The following THADA variants were observed in gnomAD, a reference collection of about 807,000 sequenced individuals.
THADA encodes tRNA (32-2'-O)-methyltransferase regulator THADA.
Under a neutral mutation model 219.8 loss-of-function variants are expected in THADA, and 213 were observed. The ratio of observed to expected loss-of-function variants is 0.97; its 90% CI spans 0.87 to 1.09. The LOEUF (loss-of-function observed/expected upper bound fraction) is 1.09. THADA is among the 50% of genes least tolerant of loss of function. The probability of loss-of-function intolerance (pLI) is 0.00; values close to 1 mark genes in which losing one functional copy is unlikely to be tolerated. For synonymous variants in THADA, 1,018 were observed against 828.9 expected (o/e 1.23, Z -3.92); for missense variants, 2,956 against 2,311.3 (o/e 1.28, Z -5.72).
At chr2:43,348,243 C>T (rs1456950683) in intron 29 of THADA, among the ~76,000 whole-genome samples, 1 of 152,158 alleles carries the variant, frequency 6.6e-6, no homozygotes, top group Non-Finnish European at 1.5e-5. Flanking sequence ...AGTCACCTGG[C>T]CGGAGCTGAG....
In THADA at chr2:43,292,959, A is replaced by C; in HGVS notation, c.4693T>G (p.Leu1565Val). ...EVRSLTLEAL[L>V]EKFLAAASGL... ...GAGGCTGCTGCTAAGAACTTTTCCA[A>C]GAGGGCTTCCAGTGTTAGTGAGCGC... The change falls in exon 32 of 38, where the codon TTG becomes GTG. Residue 1565 changes from leucine (L) to valine (V), a missense_variant. Physicochemically the swap from Leu to Val is conservative, Grantham distance 32. Coordinates refer to ENST00000405975, the MANE Select transcript of THADA (RefSeq NM_022065.5). The C allele has an allele frequency of 1.2e-6, 2 of 1,613,994 alleles. No individual in the cohort carries two copies. Among genetic ancestry groups the C allele is most frequent in the Non-Finnish European group, 1.7e-6 (2 of 1,179,900 alleles).
At chr2:43,443,293 G>C (rs1239697847) in intron 26 of THADA, among the ~76,000 whole-genome samples, 2 of 152,200 alleles carry the variant, frequency 1.3e-5, no homozygotes, top group African/African-American at 4.8e-5. Context: ...GACCAAGATA[G>C]TAACACATTA....
chr2:43,330,216 A>G (rs1488926080), intron 30 of THADA, among the ~76,000 whole-genome samples: 1 of 152,226 alleles, frequency 6.6e-6, no homozygotes, highest in Admixed American at 6.5e-5. Flanking sequence ...CCAGGAACGC[A>G]GAGCCTGCGG....
At chr2:43,284,206 C>T (rs1673711236) in intron 35 of THADA, among the ~76,000 whole-genome samples, 1 of 152,112 alleles carries the variant, frequency 6.6e-6, no homozygotes, top group Non-Finnish European at 1.5e-5. Context: ...CGAATGTTAA[C>T]AGCCAAGATG....
At chr2:43,471,694 A>T (rs1486902984) in intron 26 of THADA, among the ~76,000 whole-genome samples, 1 of 152,112 alleles carries the variant, frequency 6.6e-6, no homozygotes, top group African/African-American at 2.4e-5. Flanking sequence ...ACAATCAAAC[A>T]CTTACTTGAG....
At chr2:43,389,654 T>G (rs1673111296) in intron 29 of THADA, among the ~76,000 whole-genome samples, 1 of 152,182 alleles carries the variant, frequency 6.6e-6, no homozygotes, top group Non-Finnish European at 1.5e-5. Flanking sequence ...CCTCTCTCCT[T>G]GACACAACAG....
At chr2:43,484,252 G>T (rs763576239) in intron 26 of THADA, 124 of 165,326 alleles carry the variant, frequency 7.5e-4, no homozygotes, top group Non-Finnish European at 1.4e-3. Context: ...GGTTTCATTA[G>T]AATTATCACT....
At chr2:43,301,418 G>T (rs1474932609) in intron 31 of THADA, among the ~76,000 whole-genome samples, 2 of 152,236 alleles carry the variant, frequency 1.3e-5, no homozygotes, top group African/African-American at 2.4e-5. Flanking sequence ...CTGGCTCGTT[G>T]TGTGCAGGTT....
chr2:43,438,856 CAAT>C (rs931224474), intron 26 of THADA, among the ~76,000 whole-genome samples: 14 of 151,974 alleles, frequency 9.2e-5, no homozygotes, highest in African/African-American at 2.2e-4. Flanking sequence ...AGATTAACAA[CAAT>C]AATAATAAAC....
At chr2:43,491,830 C>T (rs1417632204) in intron 25 of THADA, among the ~76,000 whole-genome samples, 3 of 152,162 alleles carry the variant, frequency 2.0e-5, no homozygotes, top group Non-Finnish European at 2.9e-5. Flanking sequence ...AAAATCTATC[C>T]TTCTCACGAG....
chr2:43,360,595 A>G (rs1669395312), intron 29 of THADA, among the ~76,000 whole-genome samples: 1 of 152,190 alleles, frequency 6.6e-6, no homozygotes, highest in African/African-American at 2.4e-5. Flanking sequence ...CTTCAGCTCA[A>G]ACACTGATGC....
chr2:43,393,656 C>T (rs991864880), intron 29 of THADA, among the ~76,000 whole-genome samples: 1 of 150,118 alleles, frequency 6.7e-6, no homozygotes, highest in Non-Finnish European at 1.5e-5. Flanking sequence ...TGCAGTGAGC[C>T]AAGATGGTGC....
intron 26 of THADA, among the ~76,000 whole-genome samples, chr2:43,479,926 C>A (rs1166661469): frequency 6.6e-6 from 1 of 152,226 alleles, no homozygotes; most frequent in African/African-American, 2.4e-5. Context: ...TTTACTCCTA[C>A]CTTTCCTGCT....
Position 43,588,509 on chromosome 2 carries a change from G to A in THADA, c.303-1507C>T, listed in dbSNP as rs547601285. On this transcript the variant is annotated intron_variant, in intron 4 of 37. Coordinates refer to ENST00000405975, the MANE Select transcript of THADA (RefSeq NM_022065.5). ...GAATGTATTTGGCATATGATCTATA[G>A]AGAAGTCTTATAAATCAAGAAAACA... Among the ~76,000 whole-genome samples, 15 of 152,202 alleles carry A rather than the reference G, an allele frequency of 9.9e-5. No homozygotes were observed. The South Asian group carries it at 2.7e-3, about 27-fold the overall frequency.
At chr2:43,490,132 G>T (rs1459293100) in intron 25 of THADA, among the ~76,000 whole-genome samples, 1 of 151,996 alleles carries the variant, frequency 6.6e-6, no homozygotes, top group Non-Finnish European at 1.5e-5. Flanking sequence ...AAATGAAACT[G>T]TTTTCTTAAT....
intron 36 of THADA, among the ~76,000 whole-genome samples, chr2:43,272,366 C>G (rs543452595): frequency 2.1e-4 from 32 of 152,210 alleles, no homozygotes; most frequent in South Asian, 1.2e-3. Flanking sequence ...TGAATTGCAA[C>G]GAACAAAAAT....
chr2:43,414,090 T>C (rs1676646051), intron 28 of THADA, among the ~76,000 whole-genome samples: 1 of 152,250 alleles, frequency 6.6e-6, no homozygotes, highest in African/African-American at 2.4e-5. Flanking sequence ...CATTGTGTTT[T>C]ATTGTTGTGT....
chr2:43,456,780 G>A (rs1197406369), intron 26 of THADA, among the ~76,000 whole-genome samples: 2 of 152,000 alleles, frequency 1.3e-5, no homozygotes, highest in Non-Finnish European at 2.9e-5. Context: ...CTTTAAAGAT[G>A]AGATGAAAGG....
intron 31 of THADA, among the ~76,000 whole-genome samples, chr2:43,307,742 TAAAAC>T (rs1326509807): frequency 7.0e-6 from 1 of 141,854 alleles, no homozygotes; most frequent in Non-Finnish European, 1.5e-5. Flanking sequence ...CTTTAAAGAA[TAAAAC>T]AAAATCCAAT....
Sources: allele counts gnomAD v4.1 joint callset (sites outside exome capture counted in the v4.1 genomes callset), GRCh38; gene constraint gnomAD v4.1.1; transcripts MANE v1.5; gene names NCBI Gene and HGNC (gene_info 2026-07-23, HGNC 2026-07-21).